Variants in ABCA7 observed in about 807,000 individuals in gnomAD.
ABCA7 encodes the protein phospholipid-transporting ATPase ABCA7.
ABCA7 carries 261 observed loss-of-function variants against 227.6 expected under a neutral mutation model. That is an observed-to-expected ratio of 1.15 (90% CI 1.04 to 1.27). The LOEUF is 1.27. Among genes scored for constraint, ABCA7 ranks in the 50% most tolerant of loss-of-function variants. The pLI is 0.00. For missense variants in ABCA7, 3,331 were observed against 2,924.5 expected (o/e 1.14, Z -3.21); for synonymous variants, 1,488 against 1,279.7 (o/e 1.16, Z -3.47).
Position 1,048,936 on chromosome 19 carries a change from A to T in ABCA7, c.2311A>T (p.Arg771Trp), listed in dbSNP as rs1234982295. The change falls in exon 17 of 47, where the codon AGG becomes TGG. Residue 771 changes from arginine to tryptophan, a missense_variant. Arg to Trp is a moderately radical substitution (Grantham distance 101). Coordinates refer to ENST00000263094, the MANE Select transcript of ABCA7 (RefSeq NM_019112.4). ...IPEPWNFPFRRSYWCGPRPPK... is the reference protein window; with the variant it reads ...IPEPWNFPFRWSYWCGPRPPK... ...TGAACCATGGAATTTTCCTTTTCGG[A>T]GGAGCTACTGGTGCGGACCTCGGCC... The T allele has an allele frequency of 6.2e-7, 1 of 1,609,154 alleles. No individual in the cohort carries two copies. Among genetic ancestry groups the T allele is most frequent in the African/African-American group, 1.3e-5 (1 of 74,694 alleles).
Position 1,053,838 on chromosome 19 carries a change from T to C in ABCA7, c.3472+2T>C. 6.2e-7 allele frequency: 1 copy of C among 1,609,724 alleles called. No homozygotes were observed. Among genetic ancestry groups the C allele is most frequent in the South Asian group, 1.1e-5 (1 of 90,854 alleles). On this transcript the variant is annotated splice_donor_variant, in intron 25 of 46. Transcript: ENST00000263094. LOFTEE classifies it high-confidence loss of function. ...GTGCTGCGGACACAGATATGGAGGG[T>C]GCGGCCACAGCTCCCTGACCCCTGA...
chr19:1,044,393 A>G (rs949404922), intron 10 of ABCA7, among the ~76,000 whole-genome samples, 184 bp from the exon 11 acceptor site: 4 of 151,240 alleles, frequency 2.6e-5, no homozygotes, highest in Non-Finnish European at 5.9e-5. Flanking sequence ...GATTACAGGC[A>G]TGCGCCACCA....
In ABCA7 at chr19:1,047,365, G is replaced by A. The variant is rs1396042058; in HGVS notation, c.2054G>A (p.Gly685Asp). 1 of 1,567,882 alleles carries A rather than the reference G, an allele frequency of 6.4e-7. No individual in the cohort carries two copies. The highest frequency in any genetic ancestry group is 8.6e-7 in the Non-Finnish European group (1 of 1,163,384). Reference sequence around the variant, plus strand: ...TGGCGGGACCGGCTGCCCGCGGGTGGCCGCGTGGCCGCGGTGAGAGCCGGG... The same window carrying A: ...TGGCGGGACCGGCTGCCCGCGGGTGACCGCGTGGCCGCGGTGAGAGCCGGG... ...VAWRDRLPAG[G>D]RVAASLLSPV... The change falls in exon 15 of 47, where the codon GGC becomes GAC. Residue 685 changes from glycine (G) to aspartate (D), a missense_variant. Gly to Asp is a moderately conservative substitution (Grantham distance 94). Coordinates refer to ENST00000263094, the MANE Select transcript of ABCA7 (RefSeq NM_019112.4).
Position 1,058,766 on chromosome 19 carries a change from G to A in ABCA7, c.5279+19G>A. On this transcript the variant is annotated intron_variant, in intron 38 of 46. Coordinates refer to ENST00000263094, the MANE Select transcript of ABCA7 (RefSeq NM_019112.4). The stretch of plus-strand genomic sequence containing the variant: ...TGCCACAGTTAGTGAGGTCTATGGA[G>A]AGGGTGGCAGGGGCCAAGGACCTAC... The A allele has an allele frequency of 6.2e-7, 1 of 1,607,294 alleles. No individual in the cohort carries two copies. The highest frequency in any genetic ancestry group is 8.5e-7 in the Non-Finnish European group (1 of 1,176,428).
chr19:1,046,716 G>A (rs1016586554), intron 13 of ABCA7, 86 bp from the exon 14 acceptor site: 4 of 1,371,528 alleles, frequency 2.9e-6, no homozygotes, highest in Non-Finnish European at 3.0e-6. Flanking sequence ...TGAGATCCCG[G>A]GACACGAACC....
chr19:1,056,988 C>A lies in ABCA7; in HGVS notation c.4668C>A (p.Val1556=), dbSNP rs1224417519. The stretch of plus-strand genomic sequence containing the variant: ...TTGTCCCGGCCAGCTTCACTCTTGT[C>A]CTCATTGAGGAGCGAGTCACCCGAG... The part of the protein sequence containing the change: ...MSFVPASFTL[V]LIEERVTRAK... Residue 1556 remains valine (V), a synonymous_variant, in exon 34 of 47, where the codon GTC becomes GTA. Coordinates refer to ENST00000263094, the MANE Select transcript of ABCA7 (RefSeq NM_019112.4). This position sits in a 1 kb window ranked among gnomAD's most constrained non-coding sequence, Gnocchi z 4.3. The A allele has an allele frequency of 1.9e-6, 3 of 1,613,914 alleles. No individual in the cohort carries two copies. The highest frequency in any genetic ancestry group is 2.5e-6 in the Non-Finnish European group (3 of 1,180,030).
chr19:1,044,979 G>A (rs371536711), intron 11 of ABCA7, 23 bp from the exon 12 acceptor site: 2 of 1,610,530 alleles, frequency 1.2e-6, no homozygotes, highest in African/African-American at 2.7e-5. Flanking sequence ...CCAGCGCCTA[G>A]GACTCACCCC....
intron 13 of ABCA7, 71 bp from the exon 14 acceptor site, chr19:1,046,731 G>C (rs754125571): frequency 3.5e-6 from 5 of 1,441,934 alleles, no homozygotes; most frequent in Non-Finnish European, 3.7e-6. Flanking sequence ...CGAACCAGTC[G>C]TGCCAGATGG....
rs2040729660 is a variant in ABCA7 at position 1,046,821 on chromosome 19, C to T, written c.1642C>T (p.Arg548Trp). Residue 548 changes from arginine (R) to tryptophan (W), a missense_variant, in exon 14 of 47, where the codon CGG (arginine) becomes TGG (tryptophan). Arg to Trp is a moderately radical substitution (Grantham distance 101, BLOSUM62 -3). Coordinates refer to ENST00000263094, the MANE Select transcript of ABCA7 (RefSeq NM_019112.4). ...VDDVFLRVLS[R>W]SLPLFLTLAW... ...CCCCAGGTTCCTGCGTGTGCTGAGC[C>T]GGTCGCTGCCGCTCTTCCTGACGCT... 4 of 1,538,462 alleles carry T rather than the reference C, an allele frequency of 2.6e-6. No homozygotes were observed. The highest frequency in any genetic ancestry group is 1.4e-5 in the African/African-American group (1 of 73,112).
chr19:1,057,606 T>C (rs1446076857), intron 35 of ABCA7, among the ~76,000 whole-genome samples, 177 bp downstream of exon 35: 1 of 152,134 alleles, frequency 6.6e-6, no homozygotes, highest in Non-Finnish European at 1.5e-5. Context: ...GCTCATCTTA[T>C]CCTGACTCAT....
At chr19:1,048,054 T>G (rs2040895248) in intron 16 of ABCA7, among the ~76,000 whole-genome samples, 1 of 151,906 alleles carries the variant, frequency 6.6e-6, no homozygotes, top group Non-Finnish European at 1.5e-5. Flanking sequence ...GGTGGCACGC[T>G]GGGCGTGGTG....
Position 1,051,531 on chromosome 19 carries a change from C to T in ABCA7, c.2907C>T (p.Gly969=), listed in dbSNP as rs761973149. The part of the protein sequence containing the change: ...QVVILDEPTA[G]VDPASRRGIW... ...TTATCCTGGACGAGCCTACGGCTGG[C>T]GTGGATCCTGCTTCCCGCCGCGGTA... Residue 969 remains glycine, a synonymous_variant, in exon 21 of 47, where the codon GGC becomes GGT. Transcript: ENST00000263094. The T allele has an allele frequency of 1.9e-6, 3 of 1,612,576 alleles. No individual in the cohort carries two copies. Among genetic ancestry groups the T allele is most frequent in the East Asian group, 2.2e-5 (1 of 44,884 alleles).
chr19:1,041,221 T>A lies in ABCA7; in HGVS notation c.-137-4T>A, dbSNP rs1243959332. 3.4e-6 allele frequency: 3 copies of A among 880,196 alleles called. No individual in the cohort carries two copies. In the East Asian group the frequency reaches 7.3e-5, roughly 21 times the overall value. The allele number at this position is 880,196 out of a possible 1,614,324, so 54.5% of individuals were successfully genotyped here. On this transcript the variant is annotated splice_region_variant and splice_polypyrimidine_tract_variant and intron_variant, in intron 1 of 46. Transcript: ENST00000263094. ...GTGACTACTGTTTGCCTCGCTCTAA[T>A]CAGAGCTTCCAGGAACCCTGCGCTG... is the stretch of plus-strand genomic sequence containing the variant.
intron 44 of ABCA7, 43 bp downstream of exon 44, chr19:1,063,906 C>A: frequency 1.3e-6 from 2 of 1,492,732 alleles, no homozygotes; most frequent in Non-Finnish European, 8.9e-7. Context: ...TAAGGTGATC[C>A]AGGCCTGGAG....
Position 1,044,610 on chromosome 19 carries a change from C to A in ABCA7, c.1081C>A (p.Gln361Lys). ...LLQMQDEGRRQPRPGGRDHME... is the reference protein window; with the variant it reads ...LLQMQDEGRRKPRPGGRDHME... The stretch of plus-strand genomic sequence containing the variant: ...GCAGATGCAGGATGAAGGAAGAAGG[C>A]AGCCCAGACCTGGAGGCCGGGACCA... The change falls in exon 11 of 47, where the codon CAG (glutamine) becomes AAG (lysine). Residue 361 changes from glutamine to lysine, a missense_variant. Physicochemically the swap from Gln to Lys is moderately conservative, Grantham distance 53. Coordinates refer to ENST00000263094, the MANE Select transcript of ABCA7 (RefSeq NM_019112.4). The A allele has an allele frequency of 2.5e-6, 4 of 1,613,034 alleles. No homozygotes were observed. Among genetic ancestry groups the A allele is most frequent in the Non-Finnish European group, 3.4e-6 (4 of 1,179,862 alleles).
At chr19:1,062,646 G>A (rs1050897099) in intron 42 of ABCA7, among the ~76,000 whole-genome samples, 1 of 151,764 alleles carries the variant, frequency 6.6e-6, no homozygotes, top group Non-Finnish European at 1.5e-5. Context: ...AGGGCTTCGC[G>A]CCTTTCTCGC....
Position 1,058,180 on chromosome 19 carries a change from T to A in ABCA7, c.5060T>A (p.Val1687Asp), listed in dbSNP as rs1400405572. 1.2e-6 allele frequency: 2 copies of A among 1,613,580 alleles called. No individual in the cohort carries two copies. The highest frequency in any genetic ancestry group is 1.7e-6 in the Non-Finnish European group (2 of 1,179,938). ...GAGGTGAGCCGGATCTTGAAACAGG[T>A]CTTCCTTATCTTCCCCCACTTCTGC... ...LQEVSRILKQVFLIFPHFCLG... is the reference protein window; with the variant it reads ...LQEVSRILKQDFLIFPHFCLG... Residue 1687 changes from valine (V) to aspartate (D), a missense_variant, in exon 37 of 47, where the codon GTC (valine) becomes GAC (aspartate). By Grantham distance (152) the Val-to-Asp change is radical (BLOSUM62 -3). Transcript: ENST00000263094.
At position 1,044,752 on chromosome 19, in the gene ABCA7, C is replaced by A. The variant is rs752176682; in HGVS notation, c.1215+8C>A. The A allele has an allele frequency of 6.3e-7, 1 of 1,593,026 alleles. No homozygotes were observed. The highest frequency in any genetic ancestry group is 2.3e-5 in the East Asian group (1 of 44,320). Reference sequence around the variant, plus strand: ...CTGGGCCGAGTGACGGAGGTGAGGGCCTGTCCACCTGCGGGGTCTGTTTCA... The same window carrying A: ...CTGGGCCGAGTGACGGAGGTGAGGGACTGTCCACCTGCGGGGTCTGTTTCA... On this transcript the variant is annotated splice_region_variant and intron_variant, in intron 11 of 46. Coordinates refer to ENST00000263094, the MANE Select transcript of ABCA7 (RefSeq NM_019112.4).
intron 6 of ABCA7, 109 bp downstream of exon 6, chr19:1,042,506 G>C (rs1016805549): frequency 1.1e-5 from 15 of 1,375,608 alleles, no homozygotes; most frequent in African/African-American, 7.2e-5. Context: ...CATCCAGGCT[G>C]TCCCTGGTCT....
Sources: allele counts gnomAD v4.1 joint callset (sites outside exome capture counted in the v4.1 genomes callset), GRCh38; gene constraint gnomAD v4.1.1; non-coding constraint Gnocchi (gnomAD v3.1); transcripts MANE v1.5; gene names NCBI Gene and HGNC (gene_info 2026-07-23, HGNC 2026-07-21).